The following CELSR1 variants were observed in gnomAD, a reference collection of about 807,000 sequenced individuals.
The protein encoded by CELSR1 is cadherin EGF LAG seven-pass G-type receptor 1, also known as adhesion G protein-coupled receptor C1.
Under a neutral mutation model 249.1 loss-of-function variants are expected in CELSR1, and 110 were observed. The ratio of observed to expected loss-of-function variants is 0.44; its 90% CI spans 0.38 to 0.52. The LOEUF (loss-of-function observed/expected upper bound fraction) is 0.52. Ranked by LOEUF, CELSR1 falls within the 20% of genes least tolerant of loss-of-function variation. The pLI is 0.00. For missense variants in CELSR1, 4,109 were observed against 4,296.4 expected (o/e 0.96, Z 1.22); for synonymous variants, 2,113 against 1,900.0 (o/e 1.11, Z -2.92).
At chr22:46,493,779 T>C (rs1240503264) in intron 1 of CELSR1, among the ~76,000 whole-genome samples, 2 of 152,128 alleles carry the variant, frequency 1.3e-5, no homozygotes, top group Non-Finnish European at 2.9e-5. Context: ...AAGCTTTCTC[T>C]TGCCTGCCAC....
rs1393604500 is a variant in CELSR1, at chr22:46,464,392, A to C, written c.3545-47T>G. 19 of 1,574,872 alleles carry C rather than the reference A, an allele frequency of 1.2e-5. No individual in the cohort carries two copies. In the East Asian group the frequency reaches 4.0e-4, roughly 33 times the overall value. On this transcript the variant is annotated intron_variant, in intron 1 of 34. Coordinates refer to ENST00000674500, the MANE Select transcript of CELSR1 (RefSeq NM_001378328.1). The surrounding 1 kb of genome is among the most constrained non-coding windows in gnomAD (Gnocchi z 8.5). ...GGGTCATTCAGATGCTGCGGGAGTC[A>C]CAGGTCCTATAGGCCCCATCCCAGG... is the stretch of plus-strand genomic sequence containing the variant.
chr22:46,525,184 C>T (rs1298709608), intron 1 of CELSR1, among the ~76,000 whole-genome samples: 2 of 152,208 alleles, frequency 1.3e-5, no homozygotes, highest in African/African-American at 4.8e-5. Context: ...CGTGGTGGCT[C>T]ACGCCTATAA....
At chr22:46,522,982 C>T (rs2080701036) in intron 1 of CELSR1, among the ~76,000 whole-genome samples, 1 of 152,218 alleles carries the variant, frequency 6.6e-6, no homozygotes, top group Non-Finnish European at 1.5e-5. Context: ...TGGCCGACAG[C>T]GGAACTGCAG....
rs764672943 is a variant in CELSR1 at position 46,534,447 on chromosome 22, C to G, written c.2724G>C (p.Ser908=). The change falls in exon 1 of 35, where the codon TCG becomes TCC. Residue 908 remains serine (S), a synonymous_variant. Transcript: ENST00000674500. This position sits in a 1 kb window ranked among gnomAD's most constrained non-coding sequence, Gnocchi z 9.7. ...QGSIFEDAPP[S]TSILQVSATD... Reference sequence around the variant, plus strand: ...TGGCAGAGACCTGGAGGATGCTGGTCGAGGGTGGAGCATCCTCAAAGATGG... The same window carrying G: ...TGGCAGAGACCTGGAGGATGCTGGTGGAGGGTGGAGCATCCTCAAAGATGG... 1.2e-6 allele frequency: 2 copies of G among 1,612,934 alleles called. No individual in the cohort carries two copies. Among genetic ancestry groups the G allele is most frequent in the Middle Eastern group, 1.6e-4 (1 of 6,062 alleles).
chr22:46,439,263 G>A lies in CELSR1; in HGVS notation c.4332C>T (p.Thr1444=), dbSNP rs1303501461. 4 of 1,614,140 alleles carry A rather than the reference G, an allele frequency of 2.5e-6. No homozygotes were observed. Among genetic ancestry groups the A allele is most frequent in the Admixed American group, 3.3e-5 (2 of 60,030 alleles). Residue 1444 remains threonine, a synonymous_variant, in exon 3 of 35, where the codon ACC becomes ACT. Coordinates refer to ENST00000674500, the MANE Select transcript of CELSR1 (RefSeq NM_001378328.1). ...EYERPYCEVT[T]RSFPPQSFVT... The stretch of plus-strand genomic sequence containing the variant: ...CGAAGGACTGGGGCGGGAAGCTCCT[G>A]GTGGTCACCTCACAGTAGGGCCTCT...
intron 1 of CELSR1, among the ~76,000 whole-genome samples, chr22:46,494,088 C>T (rs2080392221): frequency 6.6e-6 from 1 of 152,164 alleles, no homozygotes; most frequent in South Asian, 2.1e-4. Flanking sequence ...CAATTCAGCT[C>T]TATGATTTCT....
chr22:46,493,306 G>C (rs1374941438), intron 1 of CELSR1, among the ~76,000 whole-genome samples: 1 of 152,126 alleles, frequency 6.6e-6, no homozygotes, highest in African/African-American at 2.4e-5. Context: ...AGAACTTTGG[G>C]AAGCCAAGGC....
intron 5 of CELSR1, among the ~76,000 whole-genome samples, chr22:46,422,310 G>C (rs2079483520): frequency 6.6e-6 from 1 of 152,008 alleles, no homozygotes; most frequent in African/African-American, 2.4e-5. Context: ...GTTTTGCCAG[G>C]TTGGCCAGGC....
rs1435720742 is a variant in CELSR1 at position 46,535,799 on chromosome 22, G to T, written c.1372C>A (p.Gln458Lys). The change falls in exon 1 of 35, where the codon CAG becomes AAG. Residue 458 changes from glutamine to lysine, a missense_variant. By Grantham distance (53) the Gln-to-Lys change is moderately conservative. This residue lies in a region of CELSR1 where 135 missense variants were observed against 190.0 expected (regional missense o/e 0.71). Transcript: ENST00000674500. ...ACCACGTAGTTCTGCTCGCTGAACT[G>T]GGGGTAGTTGTCGTTCTCGTCCTCC... ...EVEDENDNYP[Q>K]FSEQNYVVQV... The T allele has an allele frequency of 1.2e-6, 2 of 1,612,262 alleles. No individual in the cohort carries two copies. The highest frequency in any genetic ancestry group is 8.5e-7 in the Non-Finnish European group (1 of 1,179,994).
chr22:46,524,019 T>C (rs898656481), intron 1 of CELSR1, among the ~76,000 whole-genome samples: 1 of 152,232 alleles, frequency 6.6e-6, no homozygotes, highest in Non-Finnish European at 1.5e-5. Context: ...CGCAGTCACT[T>C]GCACTGAGCT....
Position 46,391,572 on chromosome 22 carries a change from C to T in CELSR1, c.6148+61G>A, listed in dbSNP as rs866194961. 3.0e-5 allele frequency: 44 copies of T among 1,477,004 alleles called. No homozygotes were observed. The highest frequency in any genetic ancestry group is 9.7e-5 in the Admixed American group (4 of 41,372). 91.5% of individuals were successfully genotyped at this position (1,477,004 alleles called of 1,614,324 possible). On this transcript the variant is annotated intron_variant, in intron 15 of 34. Coordinates refer to ENST00000674500, the MANE Select transcript of CELSR1 (RefSeq NM_001378328.1). The surrounding 1 kb of genome is among the most constrained non-coding windows in gnomAD (Gnocchi z 4.3). ...CCCAGCGTGCATGCACACACGTGCA[C>T]GCCAGTGCAGCAGCCTGTCCCCGCG...
rs901030340 is a variant in CELSR1 at position 46,408,881 on chromosome 22, G to A, written c.5226+115C>T. ...TCTTCGGAGAACCCCAGGGGCGGGC[G>A]CCGGAGGAAGGGCGAGTAGCAGGTG... On this transcript the variant is annotated intron_variant, in intron 9 of 34. Coordinates refer to ENST00000674500, the MANE Select transcript of CELSR1 (RefSeq NM_001378328.1). This position sits in a 1 kb window ranked among gnomAD's most constrained non-coding sequence, Gnocchi z 4.6. 6.2e-5 allele frequency: 49 copies of A among 795,468 alleles called. No homozygotes were observed. Among genetic ancestry groups the A allele is most frequent in the Non-Finnish European group, 8.5e-5 (44 of 520,260 alleles). The allele number at this position is 795,468 out of a possible 1,614,324, so 49.3% of individuals were successfully genotyped here. A position where few individuals can be genotyped will look rare whatever the true frequency, so the allele number is the denominator to read the frequency against.
chr22:46,492,240 G>A (rs761448472), intron 1 of CELSR1, among the ~76,000 whole-genome samples: 8 of 152,188 alleles, frequency 5.3e-5, no homozygotes, highest in Non-Finnish European at 8.8e-5. Context: ...ACGTTCACAG[G>A]CTAGTCTCAT....
At chr22:46,379,884 C>G (rs1283835769) in intron 22 of CELSR1, among the ~76,000 whole-genome samples, 1 of 152,192 alleles carries the variant, frequency 6.6e-6, no homozygotes, top group Non-Finnish European at 1.5e-5. Flanking sequence ...TCTTCCCCTC[C>G]CTGACTGTGC....
intron 18 of CELSR1, among the ~76,000 whole-genome samples, chr22:46,388,506 G>T (rs1366582488): frequency 6.6e-6 from 1 of 152,136 alleles, no homozygotes; most frequent in African/African-American, 2.4e-5. Context: ...CAGACTAGAA[G>T]GTTCCATGGG....
Position 46,365,219 on chromosome 22 carries a change from C to A in CELSR1, c.8554+12G>T. ...ACAGCCCAGCCTGGCCCAATGTGCC[C>A]CACACACTCACCTTTGGGGGTGCTG... On this transcript the variant is annotated intron_variant, in intron 32 of 34. Transcript: ENST00000674500. 2 of 1,609,872 alleles carry A rather than the reference C, an allele frequency of 1.2e-6. No homozygotes were observed. Among genetic ancestry groups the A allele is most frequent in the East Asian group, 2.2e-5 (1 of 44,864 alleles).
intron 1 of CELSR1, among the ~76,000 whole-genome samples, chr22:46,508,521 G>A (rs571130631): frequency 3.1e-4 from 44 of 141,858 alleles, no homozygotes; most frequent in African/African-American, 1.1e-3. Flanking sequence ...TCTCACAGCC[G>A]GGGTCCCCTC....
rs1483159221 is a variant in CELSR1, at chr22:46,472,756, G to T, written c.3545-8411C>A. The stretch of plus-strand genomic sequence containing the variant: ...GGTTTGTTCCTCCTGGAGGCTCAGG[G>T]GAGGGTCTGTTCCGGGCCCCTTTCC... On this transcript the variant is annotated intron_variant, in intron 1 of 34. Coordinates refer to ENST00000674500, the MANE Select transcript of CELSR1 (RefSeq NM_001378328.1). This position sits in a 1 kb window ranked among gnomAD's most constrained non-coding sequence, Gnocchi z 7.0. Among the ~76,000 whole-genome samples, 1 of 152,152 alleles carries T rather than the reference G, an allele frequency of 6.6e-6. No individual in the cohort carries two copies. Among genetic ancestry groups the T allele is most frequent in the Admixed American group, 6.5e-5 (1 of 15,282 alleles).
chr22:46,483,336 A>ATG (rs2080284519), intron 1 of CELSR1, among the ~76,000 whole-genome samples: 1 of 150,048 alleles, frequency 6.7e-6, no homozygotes, highest in African/African-American at 2.5e-5. Context: ...TCTAGGGCGC[A>ATG]GTCCTCACAG....
Sources: gnomAD v4.1 joint callset for allele counts (sites outside exome capture counted in the v4.1 genomes callset) on GRCh38, gnomAD v4.1.1 for gene constraint, gnomAD v4.1.1 regional missense constraint, Gnocchi (gnomAD v3.1) non-coding constraint, MANE v1.5 for transcripts, NCBI Gene and HGNC (gene_info 2026-07-23, HGNC 2026-07-21) for gene names.